CADM2: variants seen among roughly 807,000 people sequenced by gnomAD.
CADM2 encodes the protein immunoglobulin superfamily member 4D.
Under a neutral mutation model 49.8 loss-of-function variants are expected in CADM2, and 12 were observed. The observed-to-expected ratio is 0.24, with a 90% CI of 0.15 to 0.39. The LOEUF is 0.39. Ranked by LOEUF, CADM2 falls within the 10% of genes least tolerant of loss-of-function variation. The probability of loss-of-function intolerance (pLI) is 1.00; values close to 1 mark genes in which losing one functional copy is unlikely to be tolerated. For synonymous variants in CADM2, 214 were observed against 175.4 expected, an observed-to-expected ratio of 1.22 and a Z score of -1.74; for missense variants, 378 against 492.3, an observed-to-expected ratio of 0.77 and a Z score of 2.20.
At chr3:85,656,921 T>G (rs2065217542) in intron 1 of CADM2, among the ~76,000 whole-genome samples, 1 of 152,202 alleles carries the variant, frequency 6.6e-6, no homozygotes, top group Non-Finnish European at 1.5e-5. Flanking sequence ...GTCTACCCAG[T>G]CTGGTCTTCC....
chr3:85,108,871 C>T (rs576428515), intron 1 of CADM2, among the ~76,000 whole-genome samples: 1 of 151,818 alleles, frequency 6.6e-6, no homozygotes, highest in East Asian at 1.9e-4. Context: ...AAAATCAAGT[C>T]GGGATCAAGA....
At chr3:85,318,010 A>G (rs1326614467) in intron 1 of CADM2, among the ~76,000 whole-genome samples, 1 of 152,026 alleles carries the variant, frequency 6.6e-6, no homozygotes, top group Non-Finnish European at 1.5e-5. Context: ...AACATGTTCA[A>G]ATTTATAAAT....
chr3:85,443,970 C>T (rs1031742870), intron 1 of CADM2, among the ~76,000 whole-genome samples: 24 of 152,152 alleles, frequency 1.6e-4, no homozygotes, highest in African/African-American at 5.6e-4. Context: ...TTCCATTCCA[C>T]TATCTCATTC....
At chr3:85,284,491 A>G (rs1300704679) in intron 1 of CADM2, among the ~76,000 whole-genome samples, 1 of 152,016 alleles carries the variant, frequency 6.6e-6, no homozygotes, top group Non-Finnish European at 1.5e-5. Flanking sequence ...ATGTGGAGGA[A>G]TTTTCAATTT....
At chr3:85,121,345 G>T (rs932083184) in intron 1 of CADM2, among the ~76,000 whole-genome samples, 3 of 152,268 alleles carry the variant, frequency 2.0e-5, no homozygotes, top group South Asian at 4.1e-4. Context: ...CTGTCTGTGG[G>T]AAAAACAGGA....
chr3:85,811,635 T>G (rs1424568129), intron 3 of CADM2, among the ~76,000 whole-genome samples: 1 of 152,198 alleles, frequency 6.6e-6, no homozygotes, highest in Non-Finnish European at 1.5e-5. Flanking sequence ...ATTTATAAGT[T>G]GGCAAAACAT....
intron 8 of CADM2, among the ~76,000 whole-genome samples, chr3:86,062,634 G>A (rs1264847344): frequency 1.4e-5 from 2 of 148,096 alleles, no homozygotes; most frequent in African/African-American, 5.1e-5. Flanking sequence ...ACAAAAATTA[G>A]CCGAGGCTAA....
chr3:85,078,748 C>T (rs1050348950), intron 1 of CADM2, among the ~76,000 whole-genome samples: 2 of 151,352 alleles, frequency 1.3e-5, no homozygotes, highest in African/African-American at 4.8e-5. Context: ...AGCCGGTAAC[C>T]CCATTGAGCA....
intron 8 of CADM2, among the ~76,000 whole-genome samples, chr3:86,045,905 T>C (rs1348935195): frequency 1.3e-5 from 2 of 152,168 alleles, no homozygotes; most frequent in Non-Finnish European, 2.9e-5. Context: ...GACTCTTTTT[T>C]GTCCTCTTTC....
chr3:85,836,011 G>T (rs2074393337), intron 3 of CADM2, among the ~76,000 whole-genome samples: 2 of 151,318 alleles, frequency 1.3e-5, no homozygotes, highest in Admixed American at 6.6e-5. Flanking sequence ...CATACAGGCT[G>T]CTATTTTAAA....
At chr3:85,918,537 G>A (rs953821173) in intron 6 of CADM2, among the ~76,000 whole-genome samples, 1 of 152,124 alleles carries the variant, frequency 6.6e-6, no homozygotes, top group Non-Finnish European at 1.5e-5. Flanking sequence ...TTTTTGATGT[G>A]TTGCTGGATT....
intron 1 of CADM2, among the ~76,000 whole-genome samples, chr3:85,652,592 A>G (rs2065072834): frequency 1.3e-5 from 2 of 152,036 alleles, no homozygotes; most frequent in African/African-American, 2.4e-5. Flanking sequence ...CCAGCAACAA[A>G]TACATAGTTC....
chr3:85,049,946 C>G (rs1033313352), intron 1 of CADM2, among the ~76,000 whole-genome samples: 3 of 152,086 alleles, frequency 2.0e-5, no homozygotes, highest in African/African-American at 7.2e-5. Context: ...CACCATCTCC[C>G]CACTGGCCAT....
intron 8 of CADM2, among the ~76,000 whole-genome samples, chr3:86,056,738 T>G (rs1738036723): frequency 6.6e-6 from 1 of 152,202 alleles, no homozygotes; most frequent in Non-Finnish European, 1.5e-5. Context: ...CTTGGAACAC[T>G]AAAAACAAAC....
At chr3:85,592,305 G>A (rs991231004) in intron 1 of CADM2, among the ~76,000 whole-genome samples, 2 of 151,902 alleles carry the variant, frequency 1.3e-5, no homozygotes, top group Non-Finnish European at 2.9e-5. Flanking sequence ...TTGATAGACT[G>A]AAGATGAAGT....
At chr3:85,228,091 G>T (rs1466835047) in intron 1 of CADM2, among the ~76,000 whole-genome samples, 1 of 152,080 alleles carries the variant, frequency 6.6e-6, no homozygotes, top group African/African-American at 2.4e-5. Context: ...TGAATCTGAT[G>T]ATTATGTGCC....
intron 1 of CADM2, among the ~76,000 whole-genome samples, chr3:85,346,953 T>C (rs1010076638): frequency 3.9e-5 from 6 of 151,922 alleles, no homozygotes; most frequent in Non-Finnish European, 7.4e-5. Flanking sequence ...TACAAGTAAA[T>C]TTTAGTGTTT....
At chr3:85,685,366 C>T (rs1318366838) in intron 1 of CADM2, among the ~76,000 whole-genome samples, 1 of 151,956 alleles carries the variant, frequency 6.6e-6, no homozygotes, top group Admixed American at 6.6e-5. Context: ...GTGTTAATCA[C>T]CACAGACAGT....
intron 1 of CADM2, among the ~76,000 whole-genome samples, chr3:85,531,063 T>C (rs1401230953): frequency 6.6e-6 from 1 of 152,148 alleles, no homozygotes; most frequent in African/African-American, 2.4e-5. Flanking sequence ...GTTGTTTACC[T>C]TCAGTTTCCA....
Sources: allele counts gnomAD v4.1 joint callset (sites outside exome capture counted in the v4.1 genomes callset), GRCh38; gene constraint gnomAD v4.1.1; transcripts MANE v1.5; gene names NCBI Gene and HGNC (gene_info 2026-07-23, HGNC 2026-07-21).